The following SHANK2 variants were observed in gnomAD, a reference collection of about 807,000 sequenced individuals.
SHANK2 encodes SH3 and multiple ankyrin repeat domains protein 2.
A neutral mutation model predicts 133.7 loss-of-function variants in SHANK2; 43 were observed. The ratio of observed to expected loss-of-function variants is 0.32; its 90% CI spans 0.25 to 0.41. The LOEUF is 0.41. Ranked by LOEUF, SHANK2 falls within the 10% of genes least tolerant of loss-of-function variation. The pLI, the probability that SHANK2 is intolerant of heterozygous loss-of-function variation, is 1.00. For synonymous variants in SHANK2, 1,017 were observed against 952.8 expected, an observed-to-expected ratio of 1.07 and a Z score of -1.24; for missense variants, 1,994 against 2,235.8, an observed-to-expected ratio of 0.89 and a Z score of 2.18.
At chr11:70,701,266 T>G (rs1945512979) in intron 14 of SHANK2, among the ~76,000 whole-genome samples, 1 of 152,194 alleles carries the variant, frequency 6.6e-6, no homozygotes, top group African/African-American at 2.4e-5. Flanking sequence ...GACTGGAGTT[T>G]CATGGACCAA....
intron 17 of SHANK2, among the ~76,000 whole-genome samples, chr11:70,537,242 C>T (rs1259478490): frequency 6.6e-6 from 1 of 152,190 alleles, no homozygotes. Flanking sequence ...CCAGGATGCT[C>T]ATTAGGAAAG....
intron 11 of SHANK2, among the ~76,000 whole-genome samples, chr11:70,883,606 G>A (rs1318081352): frequency 6.6e-6 from 1 of 152,182 alleles, no homozygotes; most frequent in African/African-American, 2.4e-5. Context: ...AGGACTCCGG[G>A]AGCCCACCTG....
In SHANK2 at chr11:70,473,243, G is replaced by T. The variant is rs782787125; in HGVS notation, c.5176C>A (p.Leu1726Met). The T allele has an allele frequency of 3.1e-6, 5 of 1,610,194 alleles. No individual in the cohort carries two copies. In the African/African-American group the frequency reaches 4.0e-5, roughly 13 times the overall value. The change falls in exon 26 of 26, where the codon CTG (leucine) becomes ATG (methionine). Residue 1726 changes from leucine to methionine, a missense_variant. Coordinates refer to ENST00000601538, the MANE Select transcript of SHANK2 (RefSeq NM_012309.5). This position sits in a 1 kb window ranked among gnomAD's most constrained non-coding sequence, Gnocchi z 5.9. ...EMNKETLPAP[L>M]SAATASPSPA... is the part of the protein sequence containing the mutation. ...GAAGGAGAGGCGGTGGCAGCAGACA[G>T]GGGGGCGGGCAGGGTCTCTTTGTTC...
intron 12 of SHANK2, among the ~76,000 whole-genome samples, chr11:70,818,168 C>G (rs973667464): frequency 3.3e-5 from 5 of 152,126 alleles, no homozygotes; most frequent in African/African-American, 9.7e-5. Context: ...GGCTGGCCAC[C>G]ATGATGACCA....
In SHANK2 at chr11:71,086,073, ATTATG is replaced by A. The variant is rs1951402139; in HGVS notation, c.912+6344_912+6348del. 9.7e-5 allele frequency among the ~76,000 whole-genome samples: 5 copies of A among 51,624 alleles called. No homozygotes were observed. The East Asian group carries it at 2.5e-3, about 26-fold the overall frequency. The allele number at this position is 51,624 out of a possible 152,430, so 33.9% of individuals were successfully genotyped here. A position where few individuals can be genotyped will look rare whatever the true frequency, so the allele number is the denominator to read the frequency against. On this transcript the variant is annotated intron_variant, in intron 8 of 25. Coordinates refer to ENST00000601538, the MANE Select transcript of SHANK2 (RefSeq NM_012309.5). ...TGTTATATAATATATTATATAATAT[ATTATG>A]TTATATAATATATTAAATTATATAA...
At chr11:71,191,705 T>C (rs1429458224) in intron 2 of SHANK2, among the ~76,000 whole-genome samples, 10 of 151,756 alleles carry the variant, frequency 6.6e-5, no homozygotes, top group African/African-American at 1.7e-4. Flanking sequence ...ATTACAGACA[T>C]GCACCACTAC....
At chr11:71,133,213 G>A (rs1248631212) in intron 3 of SHANK2, among the ~76,000 whole-genome samples, 1 of 151,534 alleles carries the variant, frequency 6.6e-6, no homozygotes, top group East Asian at 2.0e-4. Flanking sequence ...TGGGTAGGTG[G>A]GTGGCTGGGT....
chr11:70,593,352 C>T (rs2060353368), intron 17 of SHANK2, among the ~76,000 whole-genome samples: 1 of 152,228 alleles, frequency 6.6e-6, no homozygotes, highest in African/African-American at 2.4e-5. Flanking sequence ...ATTTACTAAT[C>T]TGAACATTCT....
intron 17 of SHANK2, among the ~76,000 whole-genome samples, chr11:70,573,147 C>T (rs190618606): frequency 3.1e-4 from 47 of 151,890 alleles, no homozygotes; most frequent in Non-Finnish European, 5.1e-4. Context: ...TAGCTTCAGT[C>T]GCGTGACTCC....
intron 10 of SHANK2, among the ~76,000 whole-genome samples, chr11:70,927,151 TAAG>T (rs1212919937): frequency 6.6e-6 from 1 of 152,128 alleles, no homozygotes; most frequent in Non-Finnish European, 1.5e-5. Flanking sequence ...CCTAGAGTAA[TAAG>T]AAGTAGACTC....
rs1035829474 is a variant in SHANK2 at position 70,752,637 on chromosome 11, C to T, written c.1777+45806G>A. On this transcript the variant is annotated intron_variant, in intron 14 of 25. Coordinates refer to ENST00000601538, the MANE Select transcript of SHANK2 (RefSeq NM_012309.5). ...AGGAGAATGGCGTGAACCCGGGAGGCGGAGCTTGCAGTGAGCCGAAATCGC... is the reference window on the plus strand; with the variant it reads ...AGGAGAATGGCGTGAACCCGGGAGGTGGAGCTTGCAGTGAGCCGAAATCGC... Among the ~76,000 whole-genome samples the T allele has an allele frequency of 5.0e-5, 7 of 139,910 alleles. No individual in the cohort carries two copies. In the East Asian group the frequency reaches 1.1e-3, roughly 21 times the overall value. The allele number at this position is 139,910 out of a possible 152,430, so 91.8% of individuals were successfully genotyped here. A position where few individuals can be genotyped will look rare whatever the true frequency, so the allele number is the denominator to read the frequency against.
chr11:70,816,439 G>A (rs2921346), intron 12 of SHANK2, among the ~76,000 whole-genome samples: 45,313 of 152,136 alleles, frequency 0.3, 8,189 homozygotes, highest in African/African-American at 0.51. Flanking sequence ...TCCCCTCCAC[G>A]GCAGGGAGAG....
At chr11:71,219,930 A>G (rs1362945957) in intron 2 of SHANK2, among the ~76,000 whole-genome samples, 2 of 151,914 alleles carry the variant, frequency 1.3e-5, no homozygotes, top group East Asian at 1.9e-4. Context: ...AAAATTTACA[A>G]AAACAAAAAC....
intron 3 of SHANK2, among the ~76,000 whole-genome samples, chr11:71,126,723 G>C (rs188035997): frequency 0.028 from 3,982 of 144,030 alleles, 177 homozygotes; most frequent in African/African-American, 0.099. Context: ...CCTCATAAAC[G>C]ACTTTTTTTT....
chr11:71,115,692 G>A (rs1008572758), intron 4 of SHANK2, among the ~76,000 whole-genome samples: 1 of 152,096 alleles, frequency 6.6e-6, no homozygotes, highest in Non-Finnish European at 1.5e-5. Context: ...GAGCATGGGT[G>A]GCTGGCTCGA....
chr11:70,485,946 A>C lies in SHANK2; in HGVS notation c.4347T>G (p.Pro1449=), dbSNP rs782003409. ...KQKKSDTPQS[P]SLNSSQPTNS... ...TGGTTGGTTGGCTGGAGTTCAACGA[A>C]GGGGACTGAGGGGTGTCGCTTTTCT... The change falls in exon 25 of 26, where the codon CCT becomes CCG. Residue 1449 remains proline (P), a synonymous_variant. Transcript: ENST00000601538. This position sits in a 1 kb window ranked among gnomAD's most constrained non-coding sequence, Gnocchi z 5.8. The C allele has an allele frequency of 6.2e-7, 1 of 1,614,132 alleles. No individual in the cohort carries two copies. The highest frequency in any genetic ancestry group is 8.5e-7 in the Non-Finnish European group (1 of 1,180,024).
At chr11:71,062,808 C>T (rs1414001731) in intron 9 of SHANK2, among the ~76,000 whole-genome samples, 1 of 151,778 alleles carries the variant, frequency 6.6e-6, no homozygotes, top group Non-Finnish European at 1.5e-5. Flanking sequence ...CCAGCCTGGG[C>T]AATATAGCAA....
intron 17 of SHANK2, among the ~76,000 whole-genome samples, chr11:70,657,876 C>T (rs530401711): frequency 1.3e-5 from 2 of 152,266 alleles, no homozygotes; most frequent in Admixed American, 6.5e-5. Context: ...AGGACAGGTC[C>T]ACCTTCTCAG....
chr11:70,472,684 G>C lies in SHANK2; in HGVS notation c.*185C>G. ...TAGAAACTGCCCAAGACACCCACAT[G>C]GTGAGCCAGGGGTCTGAAGACCCAG... is the stretch of plus-strand genomic sequence containing the variant. On this transcript the variant is annotated 3_prime_UTR_variant, in exon 26 of 26. Transcript: ENST00000601538. This position sits in a 1 kb window ranked among gnomAD's most constrained non-coding sequence, Gnocchi z 4.4. 4.7e-6 allele frequency: 3 copies of C among 643,280 alleles called. No individual in the cohort carries two copies. The highest frequency in any genetic ancestry group is 8.3e-6 in the Non-Finnish European group (3 of 361,502). The allele number at this position is 643,280 out of a possible 1,614,324, so 39.8% of individuals were successfully genotyped here.
Sources: allele counts gnomAD v4.1 joint callset (sites outside exome capture counted in the v4.1 genomes callset), GRCh38; gene constraint gnomAD v4.1.1; non-coding constraint Gnocchi (gnomAD v3.1); transcripts MANE v1.5; gene names NCBI Gene and HGNC (gene_info 2026-07-23, HGNC 2026-07-21).